Variants in PUM3 observed in about 807,000 individuals in gnomAD.
The protein encoded by PUM3 is pumilio homolog 3.
PUM3 carries 91 observed loss-of-function variants against 84.0 expected under a neutral mutation model. The observed-to-expected ratio is 1.08, with a 90% CI of 0.91 to 1.29. The LOEUF (loss-of-function observed/expected upper bound fraction) is 1.29. Among genes scored for constraint, PUM3 ranks in the 50% most tolerant of loss-of-function variants. PUM3 has a pLI of 0.00. For synonymous variants in PUM3, 321 were observed against 266.7 expected (o/e 1.20, Z -1.98); for missense variants, 1,067 against 767.5 (o/e 1.39, Z -4.61).
At chr9:2,814,918 G>A (rs910876202) in intron 13 of PUM3, among the ~76,000 whole-genome samples, 3 of 152,102 alleles carry the variant, frequency 2.0e-5, no homozygotes, top group Non-Finnish European at 2.9e-5. Context: ...CATGAAGCCG[G>A]CAATGTATTC....
chr9:2,828,434 T>C (rs1586725331), intron 9 of PUM3: 1 of 398,300 alleles, frequency 2.5e-6, no homozygotes, highest in South Asian at 3.6e-5. Context: ...AATGTTTCAT[T>C]GCTTAAAAAA....
intron 15 of PUM3, among the ~76,000 whole-genome samples, chr9:2,810,738 G>A (rs1040331575): frequency 3.3e-5 from 5 of 152,130 alleles, no homozygotes; most frequent in Non-Finnish European, 7.4e-5. Flanking sequence ...TGCTAATCAC[G>A]TCTTGGATTG....
chr9:2,811,295 A>G, intron 15 of PUM3, 66 bp downstream of exon 15: 2 of 1,408,552 alleles, frequency 1.4e-6, no homozygotes, highest in Non-Finnish European at 2.0e-6. Context: ...GACACCCCAC[A>G]TCGTCCAAAA....
intron 14 of PUM3, among the ~76,000 whole-genome samples, chr9:2,811,823 T>C (rs1821381634): frequency 7.0e-6 from 1 of 142,720 alleles, no homozygotes; most frequent in Non-Finnish European, 1.5e-5. Context: ...ATAAAGGGAG[T>C]CTGACTTGTG....
Position 2,837,258 on chromosome 9 carries a change from T to A in PUM3, c.226A>T (p.Lys76Ter). 1 of 1,614,166 alleles carries A rather than the reference T, an allele frequency of 6.2e-7. No individual in the cohort carries two copies. The highest frequency in any genetic ancestry group is 8.5e-7 in the Non-Finnish European group (1 of 1,179,980). ...GGCTGGAATTTGTTCTTTGGTGATT[T>A]GTCCCCTTGCTGCTTATTCTTGAAC... Reference protein sequence around the residue: ...KQFKNKQQGDKSPKNKFQPAN... With the variant: ...KQFKNKQQGD Residue 76 changes from lysine to a stop codon, truncating the protein, a stop_gained, in exon 3 of 18, where the codon AAA becomes TAA. Coordinates refer to ENST00000397885, the MANE Select transcript of PUM3 (RefSeq NM_014878.5). LOFTEE classifies it high-confidence loss of function.
intron 1 of PUM3, 22 bp from the exon 2 acceptor site, chr9:2,838,539 C>G: frequency 4.2e-6 from 6 of 1,444,826 alleles, no homozygotes; most frequent in Non-Finnish European, 4.9e-6. Context: ...AAACCAAAAC[C>G]AAAAACAATC....
chr9:2,835,057 C>G (rs1816086193), intron 3 of PUM3, among the ~76,000 whole-genome samples: 1 of 151,458 alleles, frequency 6.6e-6, no homozygotes, highest in Admixed American at 6.6e-5. Flanking sequence ...AAACCAAAAC[C>G]TAGCTATAGC....
intron 3 of PUM3, 52 bp downstream of exon 3, chr9:2,837,128 C>T: frequency 6.7e-6 from 10 of 1,485,388 alleles, no homozygotes; most frequent in Non-Finnish European, 8.5e-6. Context: ...TCCAGAGTCC[C>T]TGTGCACAAT....
At chr9:2,840,246 G>T (rs568837466) in intron 1 of PUM3, among the ~76,000 whole-genome samples, 1 of 152,324 alleles carries the variant, frequency 6.6e-6, no homozygotes, top group East Asian at 1.9e-4. Context: ...CCACTGTGAA[G>T]TTGCCACTTT....
chr9:2,807,597 T>G (rs1821285150), intron 17 of PUM3, among the ~76,000 whole-genome samples: 1 of 40,630 alleles, frequency 2.5e-5, no homozygotes, highest in Admixed American at 4.6e-4. Context: ...TGAGACTCCA[T>G]CTCAAAAAAA....
rs952255361 is a variant in PUM3, at chr9:2,808,667, A to C, written c.1724-763T>G. On this transcript the variant is annotated intron_variant, in intron 16 of 17. Coordinates refer to ENST00000397885, the MANE Select transcript of PUM3 (RefSeq NM_014878.5). Reference sequence around the variant, plus strand: ...TTTAAAAGCCAAGAGGCCTATGGCTATTCAGCCTTTCATGGTACCTGCTAA... The same window carrying C: ...TTTAAAAGCCAAGAGGCCTATGGCTCTTCAGCCTTTCATGGTACCTGCTAA... Among the ~76,000 whole-genome samples, 10 of 152,334 alleles carry C rather than the reference A, an allele frequency of 6.6e-5. 1 individual carries two copies. The highest frequency in any genetic ancestry group is 5.9e-4 in the Admixed American group (9 of 15,304).
At chr9:2,843,296 C>T (rs1420067982) in intron 1 of PUM3, among the ~76,000 whole-genome samples, 2 of 152,124 alleles carry the variant, frequency 1.3e-5, no homozygotes, top group Non-Finnish European at 2.9e-5. Context: ...CCCATTATCG[C>T]CTCTGCTTGA....
chr9:2,843,084 T>C lies in PUM3; in HGVS notation c.-11+961A>G, dbSNP rs566229772. 4.6e-5 allele frequency among the ~76,000 whole-genome samples: 7 copies of C among 152,288 alleles called. No individual in the cohort carries two copies. The South Asian group carries it at 1.5e-3, about 32-fold the overall frequency. ...ACATTTTCTAAAGAGAACCAGGGCC[T>C]ATTCATGATTCTCACTTGCTTACAA... On this transcript the variant is annotated intron_variant, in intron 1 of 17. Transcript: ENST00000397885.
Position 2,837,179 on chromosome 9 carries a change from C to G in PUM3, c.304+1G>C, listed in dbSNP as rs1299597965. 6.2e-7 allele frequency: 1 copy of G among 1,613,650 alleles called. No individual in the cohort carries two copies. Among genetic ancestry groups the G allele is most frequent in the Non-Finnish European group, 8.5e-7 (1 of 1,179,572 alleles). ...TCAGGCATGAACGAACCAGTACTTA[C>G]CATCGCTTCTACCATCTGGCTGGAA... On this transcript the variant is annotated splice_donor_variant, in intron 3 of 17. Transcript: ENST00000397885. LOFTEE classifies it high-confidence loss of function.
In PUM3 at chr9:2,837,369, T is replaced by G. The variant is rs372338845; in HGVS notation, c.115A>C (p.Lys39Gln). 4.3e-6 allele frequency: 7 copies of G among 1,613,460 alleles called. No homozygotes were observed. In the African/African-American group the frequency reaches 9.3e-5, roughly 22 times the overall value. ...TTAGGTCCACCTTCTTTAGCAACTT[T>G]CCTTGTTGGAAATGTCTTTGAAGAA... is the stretch of plus-strand genomic sequence containing the variant. ...SGSSKTFPTR[K>Q]VAKEGGPKVT... is the part of the protein sequence containing the mutation. Residue 39 changes from lysine (K) to glutamine (Q), a missense_variant, in exon 3 of 18, where the codon AAA becomes CAA. By Grantham distance (53) the Lys-to-Gln change is moderately conservative. Coordinates refer to ENST00000397885, the MANE Select transcript of PUM3 (RefSeq NM_014878.5).
At chr9:2,818,641 A>T (rs1821521687) in intron 13 of PUM3, among the ~76,000 whole-genome samples, 1 of 152,224 alleles carries the variant, frequency 6.6e-6, no homozygotes, top group Admixed American at 6.5e-5. Context: ...TATTGATTGG[A>T]GTCAAAAGGG....
intron 13 of PUM3, among the ~76,000 whole-genome samples, chr9:2,817,111 G>A (rs998382832): frequency 6.6e-6 from 1 of 152,146 alleles, no homozygotes; most frequent in Non-Finnish European, 1.5e-5. Flanking sequence ...TGTACCCAAG[G>A]AAATATACAC....
At chr9:2,807,979 T>A in intron 16 of PUM3, 75 bp from the exon 17 acceptor site, 1 of 866,814 alleles carries the variant, frequency 1.2e-6, no homozygotes, top group Admixed American at 2.3e-5. Context: ...CTACTGCCCT[T>A]AAATCTGCAA....
chr9:2,834,630 A>G (rs761710287), intron 3 of PUM3, among the ~76,000 whole-genome samples: 1 of 152,220 alleles, frequency 6.6e-6, no homozygotes, highest in Non-Finnish European at 1.5e-5. Context: ...AACAACTCGA[A>G]GAGGTAGGTA....
Sources: gnomAD v4.1 joint callset for allele counts (sites outside exome capture counted in the v4.1 genomes callset) on GRCh38, gnomAD v4.1.1 for gene constraint, MANE v1.5 for transcripts, NCBI Gene and HGNC (gene_info 2026-07-23, HGNC 2026-07-21) for gene names.